Variants in TPO observed in about 807,000 individuals in gnomAD.
TPO encodes the protein thyroid peroxidase, also known as thyroid microsomal antigen.
In TPO, 78 loss-of-function variants were observed where a neutral mutation model predicts 96.9. The ratio of observed to expected loss-of-function variants is 0.81; its 90% CI spans 0.67 to 0.97. The LOEUF is 0.97. Ranked by LOEUF, TPO falls within the 50% of genes least tolerant of loss-of-function variation. The pLI is 0.00. For synonymous variants in TPO, 547 were observed against 538.0 expected (o/e 1.02, Z -0.23); for missense variants, 1,252 against 1,274.8 (o/e 0.98, Z 0.27).
chr2:1,478,496 C>T (rs1435328136), intron 8 of TPO, among the ~76,000 whole-genome samples: 2 of 152,216 alleles, frequency 1.3e-5, no homozygotes, highest in African/African-American at 4.8e-5. Context: ...CCCCCGGGCA[C>T]CATGCGCCCC....
At chr2:1,490,623 C>T (rs1178745068) in intron 10 of TPO, among the ~76,000 whole-genome samples, 4 of 152,298 alleles carry the variant, frequency 2.6e-5, no homozygotes, top group East Asian at 3.9e-4. Flanking sequence ...AAAGATGGAT[C>T]GAGAGACTGA....
At chr2:1,467,173 G>A (rs891209165) in intron 7 of TPO, among the ~76,000 whole-genome samples, 3 of 151,682 alleles carry the variant, frequency 2.0e-5, no homozygotes, top group South Asian at 2.1e-4. Context: ...GCACAATCTC[G>A]GCTGATTGCA....
intron 14 of TPO, among the ~76,000 whole-genome samples, chr2:1,509,359 G>A (rs879586859): frequency 5.4e-5 from 8 of 148,734 alleles, no homozygotes; most frequent in Non-Finnish European, 1.0e-4. Context: ...CTCTTGTATC[G>A]GGCACAGGAT....
rs559438915 is a variant in TPO at position 1,481,327 on chromosome 2, G to A, written c.1339-3269G>A. Among the ~76,000 whole-genome samples, 10 of 152,326 alleles carry A rather than the reference G, an allele frequency of 6.6e-5. No homozygotes were observed. In the East Asian group the frequency reaches 1.5e-3, roughly 24 times the overall value. ...AGGCAGAGAGGAGGTAGCCATCCTCGGGGAGTCTGGGTGTGCCATCCAGGC... is the reference window on the plus strand; with the variant it reads ...AGGCAGAGAGGAGGTAGCCATCCTCAGGGAGTCTGGGTGTGCCATCCAGGC... On this transcript the variant is annotated intron_variant, in intron 8 of 16. Transcript: ENST00000329066.
intron 13 of TPO, among the ~76,000 whole-genome samples, chr2:1,501,180 A>T (rs1486773346): frequency 6.6e-6 from 1 of 150,942 alleles, no homozygotes. Flanking sequence ...TTACTTAGAG[A>T]AATGGAAACA....
chr2:1,468,416 T>C (rs1669099613), intron 7 of TPO, among the ~76,000 whole-genome samples: 1 of 152,218 alleles, frequency 6.6e-6, no homozygotes, highest in African/African-American at 2.4e-5. Context: ...GTGAATTTTC[T>C]CATCATTTGT....
intron 15 of TPO, among the ~76,000 whole-genome samples, chr2:1,527,120 AC>A (rs1676743602): frequency 1.1e-4 from 2 of 17,788 alleles, no homozygotes; most frequent in Non-Finnish European, 1.1e-4. Flanking sequence ...CTCCGCAAAT[AC>A]CCCCACTGTG....
rs529307987 is a variant in TPO at position 1,452,797 on chromosome 2, C to T, written c.483-897C>T. Among the ~76,000 whole-genome samples the T allele has an allele frequency of 6.6e-5, 10 of 152,262 alleles. No homozygotes were observed. In the South Asian group the frequency reaches 2.1e-3, roughly 32 times the overall value. On this transcript the variant is annotated intron_variant, in intron 5 of 16. Coordinates refer to ENST00000329066, the MANE Select transcript of TPO (RefSeq NM_001206744.2). ...TTACCAATCTTTAGTCTTTTATTTC[C>T]TCAGTTTCTAGAAGATGCTCTGAGA...
At chr2:1,533,097 T>C (rs1360749088) in intron 15 of TPO, among the ~76,000 whole-genome samples, 16 of 67,854 alleles carry the variant, frequency 2.4e-4, no homozygotes, top group South Asian at 4.3e-4. Context: ...TCCTCAAATC[T>C]CTCCACTGTG....
chr2:1,437,837 G>GA (rs34950864), intron 5 of TPO, among the ~76,000 whole-genome samples: 1 of 142,784 alleles, frequency 7.0e-6, no homozygotes, highest in African/African-American at 3.0e-5. Context: ...CTGAAGCCTG[G>GA]GGGGGGGTCT....
At chr2:1,472,154 G>T (rs1328904138) in intron 7 of TPO, among the ~76,000 whole-genome samples, 1 of 151,874 alleles carries the variant, frequency 6.6e-6, no homozygotes, top group Admixed American at 6.6e-5. Context: ...CTCTTCCTGT[G>T]ATCCAAATGC....
Position 1,453,792 on chromosome 2 carries a change from G to A in TPO, c.581G>A (p.Gly194Asp). ...GFSQPRGWNPGFLYNGFPLPP... is the reference protein window; with the variant it reads ...GFSQPRGWNPDFLYNGFPLPP... The stretch of plus-strand genomic sequence containing the variant: ...AGTCAGCCCCGAGGCTGGAACCCCG[G>A]CTTCTTGTACAACGGGTTCCCACTG... Residue 194 changes from glycine (G) to aspartate (D), a missense_variant, in exon 6 of 17, where the codon GGC becomes GAC. Transcript: ENST00000329066. 1 of 1,613,842 alleles carries A rather than the reference G, an allele frequency of 6.2e-7. No homozygotes were observed. Among genetic ancestry groups the A allele is most frequent in the Non-Finnish European group, 8.5e-7 (1 of 1,180,034 alleles).
At chr2:1,437,665 C>T (rs1319652788) in intron 5 of TPO, among the ~76,000 whole-genome samples, 12 of 152,196 alleles carry the variant, frequency 7.9e-5, no homozygotes, top group Non-Finnish European at 1.8e-4. Context: ...ATTCTTTGAG[C>T]TGTAAGAGCT....
rs187980853 is a variant in TPO, at chr2:1,473,087, C to G, written c.820-3999C>G. ...TTTCTTACAAATGTTTTTCTACAGC[C>G]CCATCAATACAGAACTGTCAGCATG... On this transcript the variant is annotated intron_variant, in intron 7 of 16. Coordinates refer to ENST00000329066, the MANE Select transcript of TPO (RefSeq NM_001206744.2). 2.1e-3 allele frequency among the ~76,000 whole-genome samples: 319 copies of G among 152,206 alleles called. 1 individual carries two copies. Among genetic ancestry groups the G allele is most frequent in the Non-Finnish European group, 3.8e-3 (257 of 68,018 alleles).
chr2:1,531,389 A>C (rs867838412), intron 15 of TPO, among the ~76,000 whole-genome samples: 2,152 of 21,270 alleles, frequency 0.1, 251 homozygotes, highest in Non-Finnish European at 0.11. Flanking sequence ...GCAACCTCCC[A>C]AAATTGCCCC....
At chr2:1,399,082 G>T (rs1662127142) in intron 1 of TPO, among the ~76,000 whole-genome samples, 1 of 152,224 alleles carries the variant, frequency 6.6e-6, no homozygotes, top group Non-Finnish European at 1.5e-5. Flanking sequence ...CCCTGCAGGT[G>T]CATTTCCCAG....
chr2:1,479,111 C>T (rs1295981473), intron 8 of TPO, among the ~76,000 whole-genome samples: 1 of 152,234 alleles, frequency 6.6e-6, no homozygotes. Flanking sequence ...CTTCCCCGTG[C>T]AAACGGGAAT....
At chr2:1,420,130 A>T (rs1042232430) in intron 2 of TPO, among the ~76,000 whole-genome samples, 1 of 152,240 alleles carries the variant, frequency 6.6e-6, no homozygotes, top group African/African-American at 2.4e-5. Flanking sequence ...CAAGCCTATA[A>T]GAATGTTTTA....
chr2:1,437,283 T>C (rs550500174), intron 5 of TPO, among the ~76,000 whole-genome samples: 5 of 152,120 alleles, frequency 3.3e-5, no homozygotes, highest in Non-Finnish European at 7.3e-5. Flanking sequence ...GGGGAAACAG[T>C]GTGCCCGGTG....
Sources: allele counts gnomAD v4.1 joint callset (sites outside exome capture counted in the v4.1 genomes callset), GRCh38; gene constraint gnomAD v4.1.1; transcripts MANE v1.5; gene names NCBI Gene and HGNC (gene_info 2026-07-23, HGNC 2026-07-21).